Variants in SVIL observed in about 807,000 individuals in gnomAD.
The protein encoded by SVIL is archvillin.
Under a neutral mutation model 240.4 loss-of-function variants are expected in SVIL, and 101 were observed. That is an observed-to-expected ratio of 0.42 (90% CI 0.36 to 0.50). The LOEUF is 0.50. Among genes scored for constraint, SVIL ranks in the 20% least tolerant of loss-of-function variants. The probability of loss-of-function intolerance (pLI) is 0.01; values close to 1 mark genes in which losing one functional copy is unlikely to be tolerated. For synonymous variants in SVIL, 999 were observed against 1,100.0 expected (o/e 0.91, Z 1.82); for missense variants, 2,512 against 2,818.7 (o/e 0.89, Z 2.46).
At chr10:29,540,398 A>G (rs1352338672) in intron 6 of SVIL, among the ~76,000 whole-genome samples, 1 of 152,230 alleles carries the variant, frequency 6.6e-6, no homozygotes, top group Non-Finnish European at 1.5e-5. Context: ...TCAGATGCTC[A>G]TGGAATGATT....
At chr10:29,463,443 G>C (rs1273920765) in intron 35 of SVIL, 49 bp downstream of exon 35, 2 of 1,586,008 alleles carry the variant, frequency 1.3e-6, no homozygotes, top group South Asian at 1.1e-5. Context: ...CATGCCTGAG[G>C]GGCTTCCCCA....
chr10:29,499,496 AC>A lies in SVIL; in HGVS notation c.3517-234del, dbSNP rs1199343294. 3.9e-5 allele frequency among the ~76,000 whole-genome samples: 6 copies of A among 152,298 alleles called. No homozygotes were observed. In the East Asian group the frequency reaches 1.2e-3, roughly 29 times the overall value. On this transcript the variant is annotated intron_variant, in intron 17 of 37. Transcript: ENST00000355867. Reference sequence around the variant, plus strand: ...TTTAGATGAATGCCTCTGTCCTGTGACTTACTGGTTTGGGGCACTGGAGCAC... The same window carrying A: ...TTTAGATGAATGCCTCTGTCCTGTGATTACTGGTTTGGGGCACTGGAGCAC...
At chr10:29,567,933 C>T (rs370104443) in intron 2 of SVIL, among the ~76,000 whole-genome samples, 3 of 151,038 alleles carry the variant, frequency 2.0e-5, no homozygotes, top group Non-Finnish European at 4.4e-5. Flanking sequence ...AGGAGAATGG[C>T]GTGAACCCAG....
chr10:29,465,060 C>A (rs1391099514), intron 34 of SVIL, among the ~76,000 whole-genome samples: 1 of 152,208 alleles, frequency 6.6e-6, no homozygotes, highest in Admixed American at 6.5e-5. Context: ...CTTCCCCAGG[C>A]TCCCTTGCAG....
intron 3 of SVIL, among the ~76,000 whole-genome samples, chr10:29,560,027 G>A (rs1477405856): frequency 6.6e-6 from 1 of 152,180 alleles, no homozygotes; most frequent in East Asian, 1.9e-4. Context: ...CTTGAGTACA[G>A]TAGAATCTTC....
chr10:29,732,082 A>T (rs1964655081), intron 1 of SVIL, among the ~76,000 whole-genome samples: 1 of 152,206 alleles, frequency 6.6e-6, no homozygotes. Context: ...AAAAGCAGGG[A>T]TCTTGCTCCT....
intron 12 of SVIL, among the ~76,000 whole-genome samples, chr10:29,527,679 C>A (rs1022150997): frequency 1.3e-5 from 2 of 150,638 alleles, no homozygotes; most frequent in African/African-American, 2.4e-5. Flanking sequence ...CCTGCCTCAG[C>A]CTCCCAAAGT....
chr10:29,546,110 G>A (rs897821057), intron 6 of SVIL, among the ~76,000 whole-genome samples: 2 of 152,016 alleles, frequency 1.3e-5, no homozygotes, highest in Admixed American at 6.6e-5. Flanking sequence ...CTTTGGATTC[G>A]GAATTTCTAG....
chr10:29,639,573 A>T (rs936053189), upstream of SVIL, among the ~76,000 whole-genome samples: 8 of 150,198 alleles, frequency 5.3e-5, no homozygotes, highest in East Asian at 1.6e-3. Context: ...AGTTCAAGCG[A>T]TTCTCCTACC....
At chr10:29,529,321 G>C (rs1050395313) in intron 12 of SVIL, among the ~76,000 whole-genome samples, 1 of 151,902 alleles carries the variant, frequency 6.6e-6, no homozygotes, top group African/African-American at 2.4e-5. Flanking sequence ...CTTGAAAATA[G>C]CACAGGAGGA....
At chr10:29,609,656 C>T (rs11592128) in intron 1 of SVIL, among the ~76,000 whole-genome samples, 63,793 of 151,926 alleles carry the variant, frequency 0.42, 13,555 homozygotes, top group African/African-American at 0.46. Flanking sequence ...CCACATTCCC[C>T]TCATCCAGAC....
At chr10:29,616,318 T>G (rs1957424419) in intron 1 of SVIL, among the ~76,000 whole-genome samples, 1 of 152,212 alleles carries the variant, frequency 6.6e-6, no homozygotes, top group African/African-American at 2.4e-5. Flanking sequence ...ATCACAGGCA[T>G]AAGCCATCGC....
intron 1 of SVIL, among the ~76,000 whole-genome samples, chr10:29,729,557 C>T (rs977563756): frequency 4.0e-5 from 6 of 150,126 alleles, no homozygotes; most frequent in African/African-American, 9.9e-5. Flanking sequence ...GGCAATTGGC[C>T]GGGTGCGGTG....
rs112448824 is a variant in SVIL at position 29,499,181 on chromosome 10, G to A, written c.3599C>T (p.Thr1200Met). The change falls in exon 18 of 38, where the codon ACG (threonine) becomes ATG (methionine). Residue 1200 changes from threonine to methionine, a missense_variant. This residue lies in a region of SVIL where 272 missense variants were observed against 406.8 expected (regional missense o/e 0.67). Coordinates refer to ENST00000355867, the MANE Select transcript of SVIL (RefSeq NM_021738.3). ...LITVREEAWK[T>M]RGRGAANDST... ...GTCGTTGGCCGCTCCTCTGCCTCTCGTCTTCCAGGCCTCCTCTCTCACAGT... is the reference window on the plus strand; with the variant it reads ...GTCGTTGGCCGCTCCTCTGCCTCTCATCTTCCAGGCCTCCTCTCTCACAGT... 2.4e-5 allele frequency: 38 copies of A among 1,614,098 alleles called. No homozygotes were observed. Among genetic ancestry groups the A allele is most frequent in the African/African-American group, 9.3e-5 (7 of 74,996 alleles).
At chr10:29,623,985 C>G (rs921849338) in intron 1 of SVIL, among the ~76,000 whole-genome samples, 3 of 152,152 alleles carry the variant, frequency 2.0e-5, no homozygotes, top group Non-Finnish European at 2.9e-5. Context: ...ATGATGGTTG[C>G]AGAATGACGA....
intron 1 of SVIL, among the ~76,000 whole-genome samples, chr10:29,688,869 T>C (rs1468304863): frequency 6.6e-6 from 1 of 152,142 alleles, no homozygotes; most frequent in Non-Finnish European, 1.5e-5. Context: ...CAGAGAAAAA[T>C]GTTAAGTTTA....
At chr10:29,584,304 T>G (rs1309621842) in intron 1 of SVIL, among the ~76,000 whole-genome samples, 1 of 152,218 alleles carries the variant, frequency 6.6e-6, no homozygotes, top group Non-Finnish European at 1.5e-5. Context: ...AATGGCCCTG[T>G]ATGGCAGCGG....
intron 2 of SVIL, among the ~76,000 whole-genome samples, chr10:29,683,471 T>C (rs781438330): frequency 6.6e-6 from 1 of 152,122 alleles, no homozygotes; most frequent in Non-Finnish European, 1.5e-5. Flanking sequence ...GGGAGGAGGG[T>C]ATCATGAGGC....
chr10:29,533,398 G>A lies in SVIL; in HGVS notation c.969C>T (p.Ala323=), dbSNP rs150531852. Residue 323 remains alanine, a synonymous_variant, in exon 8 of 38, where the codon GCC becomes GCT. Coordinates refer to ENST00000355867, the MANE Select transcript of SVIL (RefSeq NM_021738.3). ...GTCTCCTCTGAGTTACGGACTCTGA[G>A]GCGAGTTCAGGGCTGTTTCGAGCAC... ...EESARNSPEL[A]SESVTQRRHQ... is the part of the protein sequence containing the mutation. 1,359 of 1,614,162 alleles carry A rather than the reference G, an allele frequency of 8.4e-4. 12 individuals are homozygous for A. In the African/African-American group the frequency reaches 0.016, roughly 19 times the overall value.
Sources: gnomAD v4.1 joint callset for allele counts (sites outside exome capture counted in the v4.1 genomes callset) on GRCh38, gnomAD v4.1.1 for gene constraint, gnomAD v4.1.1 regional missense constraint, MANE v1.5 for transcripts, NCBI Gene and HGNC (gene_info 2026-07-23, HGNC 2026-07-21) for gene names.